DYNC1LI2: variants seen among roughly 807,000 people sequenced by gnomAD.
DYNC1LI2 encodes the protein dynein cytoplasmic 1 light intermediate chain 2.
A neutral mutation model predicts 57.8 loss-of-function variants in DYNC1LI2; 19 were observed. The ratio of observed to expected loss-of-function variants is 0.33; its 90% CI spans 0.23 to 0.48. The LOEUF (loss-of-function observed/expected upper bound fraction) is 0.48, where lower values mean the gene tolerates loss of function less well. DYNC1LI2 is among the 20% of genes least tolerant of loss of function. The pLI, the probability that DYNC1LI2 is intolerant of heterozygous loss-of-function variation, is 0.99. For synonymous variants in DYNC1LI2, 256 were observed against 233.4 expected, an observed-to-expected ratio of 1.10 and a Z score of -0.88; for missense variants, 470 against 604.2, an observed-to-expected ratio of 0.78 and a Z score of 2.33.
chr16:66,737,510 AT>A (rs372732932), intron 4 of DYNC1LI2, among the ~76,000 whole-genome samples: 31,048 of 134,692 alleles, frequency 0.23, 4,573 homozygotes, highest in East Asian at 0.42. Context: ...AAAAAAAAAA[AT>A]GCTTAATGAA....
chr16:66,743,560 C>CAA (rs56749595), intron 3 of DYNC1LI2, among the ~76,000 whole-genome samples: 7 of 87,158 alleles, frequency 8.0e-5, no homozygotes, highest in Non-Finnish European at 1.3e-4. Context: ...GACTCCATCT[C>CAA]AAAAAAAAAA....
At chr16:66,737,063 A>G (rs564594972) in intron 4 of DYNC1LI2, among the ~76,000 whole-genome samples, 2 of 152,278 alleles carry the variant, frequency 1.3e-5, no homozygotes, top group Admixed American at 6.5e-5. Flanking sequence ...ACCTGAGGTC[A>G]GGAGTTTGAG....
At chr16:66,748,397 A>G (rs981831669) in intron 3 of DYNC1LI2, among the ~76,000 whole-genome samples, 1 of 152,150 alleles carries the variant, frequency 6.6e-6, no homozygotes, top group Admixed American at 6.5e-5. Flanking sequence ...CTTGTAAGAA[A>G]ACATTTTAAA....
chr16:66,739,816 G>A (rs1038604129), intron 4 of DYNC1LI2, among the ~76,000 whole-genome samples: 1 of 152,256 alleles, frequency 6.6e-6, no homozygotes, highest in Non-Finnish European at 1.5e-5. Flanking sequence ...GAAGGACCAT[G>A]TAAGTTGGAT....
In DYNC1LI2 at chr16:66,734,305, C is replaced by T; in HGVS notation, c.706G>A (p.Ala236Thr). 6.2e-7 allele frequency: 1 copy of T among 1,614,098 alleles called. No homozygotes were observed. Among genetic ancestry groups the T allele is most frequent in the Non-Finnish European group, 8.5e-7 (1 of 1,179,982 alleles). ...TGCTCCTTCTCCAGGACACTCACCGCATCACACTGCAGGGAAGACAGACAG... is the reference window on the plus strand; with the variant it reads ...TGCTCCTTCTCCAGGACACTCACCGTATCACACTGCAGGGAAGACAGACAG... ...PVLVVCTKCD[A>T]VSVLEKEHDY... Residue 236 changes from alanine (A) to threonine (T), a missense_variant, in exon 6 of 13, where the codon GCG (alanine) becomes ACG (threonine). Transcript: ENST00000258198.
intron 3 of DYNC1LI2, 126 bp downstream of exon 3, chr16:66,749,071 G>A: frequency 2.2e-6 from 2 of 916,976 alleles, no homozygotes; most frequent in Non-Finnish European, 3.5e-6. Flanking sequence ...CATCTATTCT[G>A]TGATTAACTC....
rs965960431 is a variant in DYNC1LI2, at chr16:66,742,233, T to A, written c.529+205A>T. ...ATGAAGATAATAAATATTGATTTGT[T>A]TTCTTCAACTTGTGACACTTGAGTT... On this transcript the variant is annotated intron_variant, in intron 4 of 12. Transcript: ENST00000258198. Among the ~76,000 whole-genome samples, 9 of 152,364 alleles carry A rather than the reference T, an allele frequency of 5.9e-5. No homozygotes were observed. The South Asian group carries it at 1.7e-3, about 28-fold the overall frequency.
rs535860339 is a variant in DYNC1LI2 at position 66,745,799 on chromosome 16, G to A, written c.299-3131C>T. Reference sequence around the variant, plus strand: ...TGTACCTGTAGTCCCAGCTACTCGGGAGACTGAGGAGGGAGGACTGCTCGA... The same window carrying A: ...TGTACCTGTAGTCCCAGCTACTCGGAAGACTGAGGAGGGAGGACTGCTCGA... On this transcript the variant is annotated intron_variant, in intron 3 of 12. Transcript: ENST00000258198. Among the ~76,000 whole-genome samples, 3 of 151,994 alleles carry A rather than the reference G, an allele frequency of 2.0e-5. No individual in the cohort carries two copies. The East Asian group carries it at 5.9e-4, about 30-fold the overall frequency.
intron 3 of DYNC1LI2, among the ~76,000 whole-genome samples, chr16:66,742,913 C>CT (rs1193563176): frequency 1.3e-5 from 2 of 152,172 alleles, no homozygotes; most frequent in Admixed American, 1.3e-4. Flanking sequence ...AATCTCAACA[C>CT]TTTGAGAGGC....
At position 66,751,340 on chromosome 16, in the gene DYNC1LI2, G is replaced by T; in HGVS notation, c.114C>A (p.Ser38=). The T allele has an allele frequency of 6.2e-7, 1 of 1,611,848 alleles. No homozygotes were observed. Among genetic ancestry groups the T allele is most frequent in the East Asian group, 2.2e-5 (1 of 44,648 alleles). The change falls in exon 2 of 13, where the codon TCC becomes TCA. Residue 38 remains serine (S), a synonymous_variant. Coordinates refer to ENST00000258198, the MANE Select transcript of DYNC1LI2 (RefSeq NM_006141.3). The surrounding 1 kb of genome is among the most constrained non-coding windows in gnomAD (Gnocchi z 5.2). The part of the protein sequence containing the change: ...EEEEGQSLWS[S]ILSEVSTRAR... The stretch of plus-strand genomic sequence containing the variant: ...CGCGGGTGGACACTTCGCTCAGAAT[G>T]GAGGACCTGTGGCGACAATGGCAAG...
intron 12 of DYNC1LI2, 39 bp from the exon 13 acceptor site, chr16:66,723,861 TGAGAA>T: frequency 6.5e-7 from 1 of 1,545,926 alleles, no homozygotes; most frequent in Middle Eastern, 1.7e-4. Flanking sequence ...AGTAATGATG[TGAGAA>T]GAGGAAACAA....
chr16:66,723,448 C>T lies in DYNC1LI2; in HGVS notation c.*274G>A, dbSNP rs1289830156. On this transcript the variant is annotated 3_prime_UTR_variant, in exon 13 of 13. Transcript: ENST00000258198. ...GCCCTCTTTCTTTCACTCTACCTTC[C>T]CCTCCACAAGAAGCCCAGATGTGCT... 1.8e-6 allele frequency: 1 copy of T among 557,858 alleles called. No homozygotes were observed. Among genetic ancestry groups the T allele is most frequent in the South Asian group, 1.5e-5 (1 of 65,484 alleles). 34.6% of individuals were successfully genotyped at this position (557,858 alleles called of 1,614,324 possible). A position where few individuals can be genotyped will look rare whatever the true frequency, so the allele number is the denominator to read the frequency against.
chr16:66,737,644 A>G (rs952509100), intron 4 of DYNC1LI2, among the ~76,000 whole-genome samples: 1 of 152,188 alleles, frequency 6.6e-6, no homozygotes, highest in Admixed American at 6.5e-5. Context: ...TTGTGGACTC[A>G]GTCTCATCTT....
chr16:66,725,784 C>T (rs1203549320), intron 12 of DYNC1LI2, 44 bp downstream of exon 12: 2 of 1,591,266 alleles, frequency 1.3e-6, no homozygotes, highest in Non-Finnish European at 1.7e-6. Context: ...CCTTGCAGCA[C>T]TACTCAACCA....
intron 9 of DYNC1LI2, 43 bp from the exon 10 acceptor site, chr16:66,728,285 G>C: frequency 6.2e-7 from 1 of 1,612,058 alleles, no homozygotes; most frequent in Admixed American, 1.7e-5. Context: ...AAGGCCTGCA[G>C]AGAGCACTGA....
rs2017527561 is a variant in DYNC1LI2 at position 66,725,838 on chromosome 16, G to T, written c.1368C>A (p.Ala456=). ...SPGAGGVQST[A]KKSGQKTVLS... ...AGGGCCCTTCTGTACCTGACTTCTT[G>T]GCTGTGCTCTGCACCCCACCAGCAC... Residue 456 remains alanine (A), a synonymous_variant, in exon 12 of 13, where the codon GCC becomes GCA. Coordinates refer to ENST00000258198, the MANE Select transcript of DYNC1LI2 (RefSeq NM_006141.3). The T allele has an allele frequency of 6.2e-7, 1 of 1,613,626 alleles. No individual in the cohort carries two copies. The highest frequency in any genetic ancestry group is 1.1e-5 in the South Asian group (1 of 91,028).
Position 66,751,387 on chromosome 16 carries a change from C to A in DYNC1LI2, c.108-41G>T. 6.2e-7 allele frequency: 1 copy of A among 1,601,954 alleles called. No individual in the cohort carries two copies. The highest frequency in any genetic ancestry group is 8.5e-7 in the Non-Finnish European group (1 of 1,175,510). ...CAAGAGTGGTCAGCCCCGGGCCGGG[C>A]TGGGATGGCCCGGCTCGCGTCGGCC... On this transcript the variant is annotated intron_variant, in intron 1 of 12. Transcript: ENST00000258198. The surrounding 1 kb of genome is among the most constrained non-coding windows in gnomAD (Gnocchi z 5.2).
chr16:66,728,548 T>A (rs893395595), intron 9 of DYNC1LI2, among the ~76,000 whole-genome samples: 1 of 152,160 alleles, frequency 6.6e-6, no homozygotes, highest in Non-Finnish European at 1.5e-5. Flanking sequence ...CCTGTACCAC[T>A]GGGCAGATGA....
Position 66,751,583 on chromosome 16 carries a change from C to A in DYNC1LI2, c.9G>T (p.Pro3=). The A allele has an allele frequency of 1.9e-6, 3 of 1,576,150 alleles. No homozygotes were observed. The highest frequency in any genetic ancestry group is 2.6e-6 in the Non-Finnish European group (3 of 1,164,094). The change falls in exon 1 of 13, where the codon CCG becomes CCT. Residue 3 remains proline, a synonymous_variant. Transcript: ENST00000258198. The surrounding 1 kb of genome is among the most constrained non-coding windows in gnomAD (Gnocchi z 5.2). MA[P]VGVEKKLLLG... is the part of the protein sequence containing the mutation. ...GCAGCAGCTTCTTCTCCACCCCCAC[C>A]GGCGCCATCTTGCCAACTGCAGCCA...
Sources: gnomAD v4.1 joint callset for allele counts (sites outside exome capture counted in the v4.1 genomes callset) on GRCh38, gnomAD v4.1.1 for gene constraint, Gnocchi (gnomAD v3.1) non-coding constraint, MANE v1.5 for transcripts, NCBI Gene and HGNC (gene_info 2026-07-23, HGNC 2026-07-21) for gene names.